The following WNK2 variants were observed in gnomAD, a reference collection of about 807,000 sequenced individuals.
WNK2 encodes WNK lysine deficient protein kinase 2, also known as serine/threonine-protein kinase WNK2.
WNK2 carries 67 observed loss-of-function variants against 192.1 expected under a neutral mutation model. That is an observed-to-expected ratio of 0.35 (90% CI 0.29 to 0.43). The LOEUF (loss-of-function observed/expected upper bound fraction) is 0.43, where lower values mean the gene tolerates loss of function less well. Among genes scored for constraint, WNK2 ranks in the 20% least tolerant of loss-of-function variants. The pLI, the probability that WNK2 is intolerant of heterozygous loss-of-function variation, is 1.00. For missense variants in WNK2, 2,698 were observed against 3,089.7 expected (o/e 0.87, Z 3.01); for synonymous variants, 1,439 against 1,393.9 (o/e 1.03, Z -0.72).
intron 2 of WNK2, among the ~76,000 whole-genome samples, chr9:93,223,369 C>T (rs1837253462): frequency 6.6e-6 from 1 of 152,260 alleles, no homozygotes; most frequent in Admixed American, 6.5e-5. Flanking sequence ...CTCAGACCTG[C>T]CCGTGCCTTA....
In WNK2 at chr9:93,259,230, G is replaced by A. The variant is rs754735318; in HGVS notation, c.2682G>A (p.Val894=). ...TGCTGGCCGTAGCCCCACCGGGCGT[G>A]GCTGCCCTGTCCATTCATTCTGCCG... The part of the protein sequence containing the change: ...IPLLAVAPPG[V]AALSIHSAVA... Residue 894 remains valine (V), a synonymous_variant, in exon 12 of 30, where the codon GTG becomes GTA. Coordinates refer to ENST00000427277, the MANE Select transcript of WNK2 (RefSeq NM_006648.4). The surrounding 1 kb of genome is among the most constrained non-coding windows in gnomAD (Gnocchi z 4.8). 1 of 1,613,282 alleles carries A rather than the reference G, an allele frequency of 6.2e-7. No individual in the cohort carries two copies. Among genetic ancestry groups the A allele is most frequent in the South Asian group, 1.1e-5 (1 of 91,084 alleles).
chr9:93,192,584 G>T (rs1408078405), intron 2 of WNK2, among the ~76,000 whole-genome samples: 1 of 152,122 alleles, frequency 6.6e-6, no homozygotes, highest in Non-Finnish European at 1.5e-5. Flanking sequence ...CTGTGTCTCG[G>T]GGGGCCAAGA....
At position 93,292,397 on chromosome 9, in the gene WNK2, G is replaced by A. The variant is rs375185618; in HGVS notation, c.5025+1G>A. ...CCATGTGGTCCCCAGCGTCCCCCAG[G>A]TAAGGGCGACTTGACGACCCCCTGG... On this transcript the variant is annotated splice_donor_variant, in intron 22 of 29. Transcript: ENST00000427277. LOFTEE classifies it high-confidence loss of function. The A allele has an allele frequency of 6.2e-7, 1 of 1,613,846 alleles. No individual in the cohort carries two copies. The highest frequency in any genetic ancestry group is 8.5e-7 in the Non-Finnish European group (1 of 1,179,882).
At chr9:93,284,701 T>G (rs926099122) in intron 19 of WNK2, among the ~76,000 whole-genome samples, 2 of 152,200 alleles carry the variant, frequency 1.3e-5, no homozygotes, top group African/African-American at 2.4e-5. Context: ...CCCTGCTTCA[T>G]GCAGGTAAAT....
chr9:93,305,003 C>G (rs1047864454), intron 26 of WNK2, among the ~76,000 whole-genome samples: 2 of 152,228 alleles, frequency 1.3e-5, no homozygotes, highest in African/African-American at 4.8e-5. Context: ...CACTCCAGAC[C>G]CCAGGTTCCC....
intron 2 of WNK2, among the ~76,000 whole-genome samples, chr9:93,225,136 C>T (rs1043845028): frequency 1.3e-5 from 2 of 152,158 alleles, no homozygotes; most frequent in Non-Finnish European, 1.5e-5. Context: ...TGGTGGCTCA[C>T]ACCTGTAATG....
chr9:93,189,814 G>C (rs769230501), intron 2 of WNK2, among the ~76,000 whole-genome samples: 8 of 152,244 alleles, frequency 5.3e-5, no homozygotes, highest in Admixed American at 1.3e-4. Flanking sequence ...GGACTGGAGA[G>C]CCTGCGTGCT....
Position 93,268,778 on chromosome 9 carries a change from C to T in WNK2, c.4033+32C>T, listed in dbSNP as rs779867083. The T allele has an allele frequency of 6.2e-6, 10 of 1,600,284 alleles. No homozygotes were observed. The South Asian group carries it at 1.0e-4, about 16-fold the overall frequency. ...GCAGCAGGCGCCCACACAAGCCCCT[C>T]CCTGTTTCATGTACAGGCCTCCTTC... On this transcript the variant is annotated intron_variant, in intron 19 of 29. Transcript: ENST00000427277.
At chr9:93,244,203 G>A (rs1467357954) in intron 7 of WNK2, among the ~76,000 whole-genome samples, 1 of 152,230 alleles carries the variant, frequency 6.6e-6, no homozygotes, top group Non-Finnish European at 1.5e-5. Flanking sequence ...GAATGCAGAT[G>A]TGGCAGAGCT....
chr9:93,280,825 C>T (rs1196801297), intron 19 of WNK2, among the ~76,000 whole-genome samples: 1 of 152,156 alleles, frequency 6.6e-6, no homozygotes, highest in Non-Finnish European at 1.5e-5. Flanking sequence ...CTCTAACATT[C>T]TTTGAATTTT....
At chr9:93,234,232 G>T (rs1043153884) in intron 4 of WNK2, among the ~76,000 whole-genome samples, 25 of 152,212 alleles carry the variant, frequency 1.6e-4, no homozygotes, top group Middle Eastern at 3.2e-3. Context: ...GTTCTGTCAG[G>T]TGGGTACCAT....
chr9:93,304,075 G>A lies in WNK2; in HGVS notation c.6215-2702G>A, dbSNP rs377331234. 2.6e-3 allele frequency among the ~76,000 whole-genome samples: 391 copies of A among 152,298 alleles called. 5 individuals carry two copies. The highest frequency in any genetic ancestry group is 4.0e-4 in the Non-Finnish European group (27 of 68,024). On this transcript the variant is annotated intron_variant, in intron 26 of 29. Coordinates refer to ENST00000427277, the MANE Select transcript of WNK2 (RefSeq NM_006648.4). ...TATTGAGCCCTGTGAGGTGAAAAGCGAATGTGGGGATTGCTCAGGGGCTGA... is the reference window on the plus strand; with the variant it reads ...TATTGAGCCCTGTGAGGTGAAAAGCAAATGTGGGGATTGCTCAGGGGCTGA...
intron 2 of WNK2, among the ~76,000 whole-genome samples, chr9:93,185,988 A>G (rs1234207698): frequency 4.6e-5 from 7 of 152,054 alleles, no homozygotes; most frequent in Non-Finnish European, 7.4e-5. Flanking sequence ...GGGAGTCTGG[A>G]CTGTTGTGTC....
intron 16 of WNK2, chr9:93,266,971 A>G (rs1015630293): frequency 3.3e-5 from 5 of 152,138 alleles, no homozygotes; most frequent in African/African-American, 1.2e-4. Flanking sequence ...GTTTTATGAG[A>G]TGCACAGCAT....
Position 93,185,184 on chromosome 9 carries a change from C to G in WNK2, c.255C>G (p.Ile85Met), listed in dbSNP as rs1162102768. The change falls in exon 2 of 30, where the codon ATC becomes ATG. Residue 85 changes from isoleucine (I) to methionine (M), a missense_variant. Ile to Met is a conservative substitution (Grantham distance 10). This residue lies in a region of WNK2 where 260 missense variants were observed against 285.6 expected (regional missense o/e 0.91). Coordinates refer to ENST00000427277, the MANE Select transcript of WNK2 (RefSeq NM_006648.4). ...VLLLCKTRRL[I>M]AERARGRPAA... is the part of the protein sequence containing the mutation. ...TGCTCTGCAAGACGCGCCGCCTCAT[C>G]GCGGAGCGCGCCCGCGGACGCCCCG... The G allele has an allele frequency of 8.4e-7, 1 of 1,188,222 alleles. No homozygotes were observed. The highest frequency in any genetic ancestry group is 4.4e-5 in the Admixed American group (1 of 22,758). 73.6% of individuals were successfully genotyped at this position (1,188,222 alleles called of 1,614,324 possible).
intron 26 of WNK2, among the ~76,000 whole-genome samples, chr9:93,302,407 C>T (rs1277891393): frequency 6.6e-6 from 1 of 152,062 alleles, no homozygotes; most frequent in East Asian, 1.9e-4. Context: ...AGGGTGGATG[C>T]CAAGGTGCGG....
chr9:93,300,890 G>A (rs935481683), intron 26 of WNK2, among the ~76,000 whole-genome samples: 2 of 152,186 alleles, frequency 1.3e-5, no homozygotes, highest in Non-Finnish European at 2.9e-5. Flanking sequence ...ACGGCCACCT[G>A]GGCAGCTCTT....
At position 93,268,669 on chromosome 9, in the gene WNK2, C is replaced by A. The variant is rs1845551984; in HGVS notation, c.3956C>A (p.Ala1319Asp). ...AGGTGGTTCATCATCTGTCCGGTGG[C>A]TGAGCACCCCGCCCCCGAGGCCCCT... ...GKRWFIICPV[A>D]EHPAPEAPES... is the part of the protein sequence containing the mutation. The change falls in exon 19 of 30, where the codon GCT (alanine) becomes GAT (aspartate). Residue 1319 changes from alanine (A) to aspartate (D), a missense_variant. Physicochemically the swap from Ala to Asp is moderately radical, Grantham distance 126 (BLOSUM62 -2). Coordinates refer to ENST00000427277, the MANE Select transcript of WNK2 (RefSeq NM_006648.4). The A allele has an allele frequency of 6.2e-7, 1 of 1,613,464 alleles. No homozygotes were observed. Among genetic ancestry groups the A allele is most frequent in the Non-Finnish European group, 8.5e-7 (1 of 1,179,834 alleles).
In WNK2 at chr9:93,238,277, C is replaced by G; in HGVS notation, c.1278C>G (p.Ile426Met). The G allele has an allele frequency of 1.2e-6, 2 of 1,614,004 alleles. No individual in the cohort carries two copies. The highest frequency in any genetic ancestry group is 8.5e-7 in the Non-Finnish European group (1 of 1,179,892). ...ASFEKVHDPEIKEIIGECICK... is the reference protein window; with the variant it reads ...ASFEKVHDPEMKEIIGECICK... ...TTGAGAAAGTGCACGATCCTGAAAT[C>G]AAGGAGATTATTGGGGAGTGTATCT... The change falls in exon 6 of 30, where the codon ATC becomes ATG. Residue 426 changes from isoleucine to methionine, a missense_variant. Ile to Met is a conservative substitution (Grantham distance 10, BLOSUM62 1). This residue lies in a region of WNK2 where 230 missense variants were observed against 501.1 expected (regional missense o/e 0.46). Transcript: ENST00000427277.
Sources: allele counts gnomAD v4.1 joint callset (sites outside exome capture counted in the v4.1 genomes callset), GRCh38; gene constraint gnomAD v4.1.1; regional missense constraint gnomAD v4.1.1; non-coding constraint Gnocchi (gnomAD v3.1); transcripts MANE v1.5; gene names NCBI Gene and HGNC (gene_info 2026-07-23, HGNC 2026-07-21).